The following ZNF728 variants were observed in gnomAD, a reference collection of about 807,000 sequenced individuals.
The protein encoded by ZNF728 is zinc finger protein 728.
ZNF728 carries 12 observed loss-of-function variants against 12.5 expected under a neutral mutation model. That is an observed-to-expected ratio of 0.96 (90% CI 0.61 to 1.55). The LOEUF is 1.55. Ranked by LOEUF, ZNF728 falls within the 40% of genes most tolerant of loss-of-function variation. The pLI is 0.00. For missense variants in ZNF728, 692 were observed against 719.2 expected (o/e 0.96, Z 0.43); for synonymous variants, 205 against 240.7 (o/e 0.85, Z 1.37).
intron 3 of ZNF728, among the ~76,000 whole-genome samples, chr19:22,980,540 A>G (rs780685828): frequency 7.9e-5 from 12 of 152,178 alleles, no homozygotes; most frequent in Non-Finnish European, 1.5e-4. Context: ...CCTAACAGAC[A>G]TCTACAGAAC....
intron 3 of ZNF728, chr19:22,985,957 A>G: frequency 5.6e-6 from 1 of 178,444 alleles, no homozygotes; most frequent in South Asian, 1.4e-4. Flanking sequence ...CCTAGCATCT[A>G]CCCTACTGAG....
intron 1 of ZNF728, among the ~76,000 whole-genome samples, chr19:23,000,865 C>CCAAAA (rs1969102254): frequency 3.1e-5 from 1 of 32,594 alleles, no homozygotes; most frequent in African/African-American, 8.0e-5. Context: ...AAAACACTGT[C>CCAAAA]AAAAAAAAAA....
rs547811186 is a variant in ZNF728, at chr19:22,974,965, T to C, written c.*503A>G. On this transcript the variant is annotated 3_prime_UTR_variant, in exon 4 of 4. Transcript: ENST00000594710. ...AGCATTGGTTAAATGTTTTGCCACA[T>C]TGTTTATTCTAGTAGTTTTCTCCAG... Among the ~76,000 whole-genome samples, 3 of 152,318 alleles carry C rather than the reference T, an allele frequency of 2.0e-5. No homozygotes were observed. Among genetic ancestry groups the C allele is most frequent in the African/African-American group, 2.4e-5 (1 of 41,574 alleles).
chr19:22,976,733 T>G lies in ZNF728; in HGVS notation c.604A>C (p.Lys202Gln), dbSNP rs1315613497. 2 of 1,613,352 alleles carry G rather than the reference T, an allele frequency of 1.2e-6. No individual in the cohort carries two copies. The highest frequency in any genetic ancestry group is 2.7e-5 in the African/African-American group (2 of 74,936). The stretch of plus-strand genomic sequence containing the variant: ...AAGGCTTTGCCATGTTCTTCACTTT[T>G]GTAGGAATTCTCTCTAGTATAAATT... Reference protein sequence around the residue: ...KRIYTRENSYKSEEHGKAFNW... With the variant: ...KRIYTRENSYQSEEHGKAFNW... The change falls in exon 4 of 4, where the codon AAA (lysine) becomes CAA (glutamine). Residue 202 changes from lysine (K) to glutamine (Q), a missense_variant. Physicochemically the swap from Lys to Gln is moderately conservative, Grantham distance 53. Transcript: ENST00000594710.
At chr19:22,994,514 T>C (rs1969028422) in intron 1 of ZNF728, among the ~76,000 whole-genome samples, 2 of 152,184 alleles carry the variant, frequency 1.3e-5, no homozygotes, top group South Asian at 2.1e-4. Context: ...GCTCAAGAGA[T>C]TGCAAAGACA....
intron 3 of ZNF728, among the ~76,000 whole-genome samples, chr19:22,977,453 T>C (rs1052606934): frequency 4.6e-5 from 7 of 152,190 alleles, no homozygotes; most frequent in African/African-American, 1.2e-4. Context: ...TGTTTTTTTT[T>C]CTAAAGGCAA....
chr19:22,992,139 TTG>T (rs1367443434), intron 1 of ZNF728, among the ~76,000 whole-genome samples: 1 of 152,228 alleles, frequency 6.6e-6, no homozygotes, highest in Non-Finnish European at 1.5e-5. Flanking sequence ...CAGCTATTTA[TTG>T]TACCCACCAT....
At chr19:22,997,783 A>G (rs1969064636) in intron 1 of ZNF728, among the ~76,000 whole-genome samples, 1 of 152,086 alleles carries the variant, frequency 6.6e-6, no homozygotes, top group Non-Finnish European at 1.5e-5. Context: ...ATACGAATAA[A>G]CACAATTAGA....
intron 3 of ZNF728, among the ~76,000 whole-genome samples, 189 bp from the exon 4 acceptor site, chr19:22,977,299 CAT>C (rs1968817702): frequency 6.6e-6 from 1 of 152,078 alleles, no homozygotes; most frequent in African/African-American, 2.4e-5. Context: ...ATAATTTATA[CAT>C]GAGTTAAGTG....
intron 3 of ZNF728, among the ~76,000 whole-genome samples, chr19:22,981,332 A>G (rs1025994155): frequency 6.6e-6 from 1 of 152,364 alleles, no homozygotes; most frequent in African/African-American, 2.4e-5. Flanking sequence ...TAAATCAGGA[A>G]GAAGTCAGAT....
rs1345462520 is a variant in ZNF728, at chr19:22,975,766, G to C, written c.1571C>G (p.Thr524Ser). The C allele has an allele frequency of 1.2e-6, 2 of 1,610,348 alleles. No homozygotes were observed. The highest frequency in any genetic ancestry group is 1.7e-5 in the Admixed American group (1 of 59,744). Reference protein sequence around the residue: ...GKAFSKVANLTKHKVIHTGEK... With the variant: ...GKAFSKVANLSKHKVIHTGEK... ...TCCAGTATGAATTACCTTATGTTTA[G>C]TAAGGTTTGCAACCTTACTGAAGGC... The change falls in exon 4 of 4, where the codon ACT (threonine) becomes AGT (serine). Residue 524 changes from threonine to serine, a missense_variant. By Grantham distance (58) the Thr-to-Ser change is moderately conservative. Coordinates refer to ENST00000594710, the MANE Select transcript of ZNF728 (RefSeq NM_001267716.2).
At chr19:22,992,507 T>C (rs1336780714) in intron 1 of ZNF728, among the ~76,000 whole-genome samples, 1 of 152,158 alleles carries the variant, frequency 6.6e-6, no homozygotes, top group Non-Finnish European at 1.5e-5. Flanking sequence ...CTTCCCAAAG[T>C]GCTGGGATTA....
intron 1 of ZNF728, among the ~76,000 whole-genome samples, chr19:22,995,584 C>A (rs555452541): frequency 6.6e-6 from 1 of 152,076 alleles, no homozygotes; most frequent in Admixed American, 6.6e-5. Context: ...ACTATAGGCA[C>A]GCGCCACCAC....
chr19:22,986,557 A>G (rs1968919095), intron 3 of ZNF728, among the ~76,000 whole-genome samples: 1 of 152,194 alleles, frequency 6.6e-6, no homozygotes, highest in Non-Finnish European at 1.5e-5. Flanking sequence ...GGAGCTGAAA[A>G]ACTTTTCAAG....
At position 22,977,124 on chromosome 19, in the gene ZNF728, A is replaced by T; in HGVS notation, c.227-14T>A. The stretch of plus-strand genomic sequence containing the variant: ...GAGAACATATAACTGAAAAGAAATA[A>T]AAATAACAAATTAGTCCACTTATTA... On this transcript the variant is annotated splice_polypyrimidine_tract_variant and intron_variant, in intron 3 of 3. Transcript: ENST00000594710. 3 of 1,524,504 alleles carry T rather than the reference A, an allele frequency of 2.0e-6. No individual in the cohort carries two copies. Among genetic ancestry groups the T allele is most frequent in the Non-Finnish European group, 2.6e-6 (3 of 1,141,896 alleles). 94.4% of individuals were successfully genotyped at this position (1,524,504 alleles called of 1,614,324 possible).
intron 3 of ZNF728, among the ~76,000 whole-genome samples, chr19:22,984,065 A>G (rs1195127039): frequency 6.6e-6 from 1 of 152,100 alleles, no homozygotes; most frequent in Non-Finnish European, 1.5e-5. Context: ...GTATAAAACA[A>G]CTATTTCTGA....
intron 3 of ZNF728, among the ~76,000 whole-genome samples, chr19:22,979,390 C>T (rs557198027): frequency 2.0e-5 from 3 of 152,128 alleles, no homozygotes; most frequent in African/African-American, 7.2e-5. Context: ...TACATTTGAT[C>T]GGGGTACCTG....
In ZNF728 at chr19:23,003,170, A is replaced by G; in HGVS notation, c.-140T>C. The G allele has an allele frequency of 9.8e-7, 1 of 1,024,510 alleles. No individual in the cohort carries two copies. Among genetic ancestry groups the G allele is most frequent in the Non-Finnish European group, 1.4e-6 (1 of 719,622 alleles). The allele number at this position is 1,024,510 out of a possible 1,614,324, so 63.5% of individuals were successfully genotyped here. A position where few individuals can be genotyped will look rare whatever the true frequency, so the allele number is the denominator to read the frequency against. On this transcript the variant is annotated 5_prime_UTR_variant, in exon 1 of 4. Transcript: ENST00000594710. ...CACCTTGACCTCCGCGTGCAGCGAG[A>G]GCCAACGGTCCTACCACATCCCGGA...
At position 22,988,364 on chromosome 19, in the gene ZNF728, T is replaced by C; in HGVS notation, c.91A>G (p.Asn31Asp). 6.2e-7 allele frequency: 1 copy of C among 1,614,146 alleles called. No homozygotes were observed. The highest frequency in any genetic ancestry group is 8.5e-7 in the Non-Finnish European group (1 of 1,180,014). The part of the protein sequence containing the change: ...LDTAQQNLYR[N>D]VMLENYRNLV... ...TTTCTGTAGTTCTCTAACATCACAT[T>C]CCTATATAAATTCTGCTGTGCAGTG... is the stretch of plus-strand genomic sequence containing the variant. The change falls in exon 2 of 4, where the codon AAT becomes GAT. Residue 31 changes from asparagine (N) to aspartate (D), a missense_variant. Asn to Asp is a conservative substitution (Grantham distance 23). Coordinates refer to ENST00000594710, the MANE Select transcript of ZNF728 (RefSeq NM_001267716.2).
Sources: allele counts gnomAD v4.1 joint callset (sites outside exome capture counted in the v4.1 genomes callset), GRCh38; gene constraint gnomAD v4.1.1; transcripts MANE v1.5; gene names NCBI Gene and HGNC (gene_info 2026-07-23, HGNC 2026-07-21).